The following LINGO1 variants were observed in gnomAD, a reference collection of about 807,000 sequenced individuals.
The protein encoded by LINGO1 is leucine rich repeat and Ig domain containing 1.
Under a neutral mutation model 37.3 loss-of-function variants are expected in LINGO1, and 11 were observed. The observed-to-expected ratio is 0.29, with a 90% CI of 0.19 to 0.49. The LOEUF is 0.49. Ranked by LOEUF, LINGO1 falls within the 20% of genes least tolerant of loss-of-function variation. LINGO1 has a pLI of 0.99. For missense variants in LINGO1, 585 were observed against 878.2 expected (o/e 0.67, Z 4.22); for synonymous variants, 387 against 403.0 (o/e 0.96, Z 0.48).
intron 2 of LINGO1, among the ~76,000 whole-genome samples, chr15:77,715,844 G>A (rs147436647): frequency 1.3e-5 from 2 of 152,302 alleles, no homozygotes; most frequent in Non-Finnish European, 2.9e-5. Flanking sequence ...ACTTCCTCCA[G>A]GAAGGTGTCC....
At chr15:77,650,521 A>C (rs992137021) in intron 3 of LINGO1, among the ~76,000 whole-genome samples, 2 of 152,160 alleles carry the variant, frequency 1.3e-5, no homozygotes, top group Non-Finnish European at 1.5e-5. Flanking sequence ...GAGCAGTATG[A>C]GTCAGCCCAT....
intron 1 of LINGO1, among the ~76,000 whole-genome samples, chr15:77,810,836 T>C (rs909054424): frequency 1.3e-5 from 2 of 152,192 alleles, no homozygotes; most frequent in Admixed American, 1.3e-4. Flanking sequence ...TACCTTGGGC[T>C]GGCAGAGGGC....
intron 2 of LINGO1, among the ~76,000 whole-genome samples, chr15:77,721,677 A>G (rs1483278209): frequency 6.6e-6 from 1 of 152,100 alleles, no homozygotes; most frequent in Non-Finnish European, 1.5e-5. Flanking sequence ...AAGTCTGAGA[A>G]AGTCTGTTTT....
chr15:77,652,911 G>A (rs773195728), intron 3 of LINGO1, among the ~76,000 whole-genome samples: 26 of 152,160 alleles, frequency 1.7e-4, no homozygotes, highest in Non-Finnish European at 3.7e-4. Context: ...AGCTATTGCC[G>A]GGGAGTGCAT....
chr15:77,722,257 A>C (rs1166565649), intron 2 of LINGO1, among the ~76,000 whole-genome samples: 1 of 152,112 alleles, frequency 6.6e-6, no homozygotes, highest in Non-Finnish European at 1.5e-5. Context: ...TGAGTACATA[A>C]CCTGGCTGAG....
intron 1 of LINGO1, among the ~76,000 whole-genome samples, chr15:77,784,298 C>T (rs992371619): frequency 7.9e-5 from 12 of 152,236 alleles, no homozygotes; most frequent in African/African-American, 2.9e-4. Context: ...GGCCATGGGG[C>T]TCTAAGGACA....
chr15:77,693,267 G>C (rs2075636125), intron 1 of LINGO1, among the ~76,000 whole-genome samples: 1 of 152,184 alleles, frequency 6.6e-6, no homozygotes, highest in South Asian at 2.1e-4. Context: ...CACAGACAAG[G>C]TTGGTACTCT....
At position 77,664,392 on chromosome 15, in the gene LINGO1, G is replaced by A. The variant is rs966826996; in HGVS notation, c.-13+12697C>T. Among the ~76,000 whole-genome samples the A allele has an allele frequency of 2.0e-5, 3 of 152,188 alleles. No homozygotes were observed. In the East Asian group the frequency reaches 5.8e-4, roughly 30 times the overall value. On this transcript the variant is annotated intron_variant, in intron 3 of 3. Coordinates refer to the LINGO1 transcript ENST00000559893. ...GGTGCCCCAGGCCTGTCTGTTATGG[G>A]AAGGCCCCAGGCCTTGTGGATGGTT...
intron 3 of LINGO1, among the ~76,000 whole-genome samples, chr15:77,639,473 C>A (rs148605916): frequency 6.6e-6 from 1 of 151,848 alleles, no homozygotes; most frequent in Non-Finnish European, 1.5e-5. Flanking sequence ...AAGACGCACA[C>A]CCTACGACCC....
chr15:77,634,647 G>A (rs1300352931), upstream of LINGO1, among the ~76,000 whole-genome samples: 1 of 152,170 alleles, frequency 6.6e-6, no homozygotes, highest in Non-Finnish European at 1.5e-5. Context: ...CTTACAGGTG[G>A]GAGGTGAAGC....
At chr15:77,753,780 G>A (rs2076393666) in intron 1 of LINGO1, among the ~76,000 whole-genome samples, 1 of 152,228 alleles carries the variant, frequency 6.6e-6, no homozygotes. Flanking sequence ...CACACACGAT[G>A]TTTATCTAAA....
At chr15:77,689,903 T>C (rs1051143217) in intron 2 of LINGO1, among the ~76,000 whole-genome samples, 1 of 152,208 alleles carries the variant, frequency 6.6e-6, no homozygotes, top group African/African-American at 2.4e-5. Flanking sequence ...AACAAGGATT[T>C]ACTGAGAAAC....
chr15:77,693,082 A>G (rs565180890), intron 1 of LINGO1, among the ~76,000 whole-genome samples: 35 of 152,212 alleles, frequency 2.3e-4, no homozygotes, highest in Non-Finnish European at 4.3e-4. Context: ...GCGTGCACAC[A>G]CACACACGCA....
At chr15:77,645,274 G>C (rs1233926698) in intron 3 of LINGO1, among the ~76,000 whole-genome samples, 3 of 152,168 alleles carry the variant, frequency 2.0e-5, no homozygotes, top group African/African-American at 7.2e-5. Flanking sequence ...CAGCTTGTAG[G>C]GACTCCACAC....
intron 1 of LINGO1, among the ~76,000 whole-genome samples, chr15:77,746,947 T>C (rs1467523084): frequency 6.6e-6 from 1 of 152,020 alleles, no homozygotes; most frequent in Non-Finnish European, 1.5e-5. Context: ...AAAACCCCCA[T>C]TGGACAGATG....
At chr15:77,715,839 C>T (rs2141301234) in intron 2 of LINGO1, among the ~76,000 whole-genome samples, 1 of 152,326 alleles carries the variant, frequency 6.6e-6, no homozygotes, top group Middle Eastern at 3.4e-3. Flanking sequence ...GGACCACTTC[C>T]TCCAGGAAGG....
exon 1 of LINGO1, chr15:77,820,298 C>G (rs548197962): frequency 6.6e-6 from 1 of 152,320 alleles, no homozygotes; most frequent in African/African-American, 2.4e-5. Flanking sequence ...GGGGAAGGGA[C>G]CTCGCTGCGC....
rs200922674 is a variant in LINGO1, at chr15:77,774,788, GA to G, written c.-257+12080del. On this transcript the variant is annotated intron_variant, in intron 1 of 3. Coordinates refer to the LINGO1 transcript ENST00000561686. ...TGTATTGGGTCCTGACCCTGGTCAT[GA>G]GGTCATCAGTGGGTGCACCTGGATT... 8.3e-3 allele frequency among the ~76,000 whole-genome samples: 1,271 copies of G among 152,316 alleles called. 24 individuals carry two copies. Among genetic ancestry groups the G allele is most frequent in the African/African-American group, 0.03 (1,238 of 41,538 alleles).
At chr15:77,699,245 C>G (rs1332363465), upstream of LINGO1, among the ~76,000 whole-genome samples, 1 of 150,176 alleles carries the variant, frequency 6.7e-6, no homozygotes, top group South Asian at 2.1e-4. Context: ...CCAACCTCAC[C>G]GATGGTCAGG....
Sources: gnomAD v4.1 joint callset for allele counts (sites outside exome capture counted in the v4.1 genomes callset) on GRCh38, gnomAD v4.1.1 for gene constraint, MANE v1.5 for transcripts, NCBI Gene and HGNC (gene_info 2026-07-23, HGNC 2026-07-21) for gene names.